The following CPXM2 variants were observed in gnomAD, a reference collection of about 807,000 sequenced individuals.
The protein encoded by CPXM2 is carboxypeptidase X, M14 family member 2, also known as inactive carboxypeptidase-like protein X2.
A neutral mutation model predicts 86.1 loss-of-function variants in CPXM2; 66 were observed. The ratio of observed to expected loss-of-function variants is 0.77; its 90% CI spans 0.63 to 0.94. CPXM2 has a LOEUF of 0.94. Among genes scored for constraint, CPXM2 ranks in the 40% least tolerant of loss-of-function variants. The probability of loss-of-function intolerance (pLI) is 0.00; values close to 1 mark genes in which losing one functional copy is unlikely to be tolerated. For synonymous variants in CPXM2, 388 were observed against 400.2 expected, an observed-to-expected ratio of 0.97 and a Z score of 0.36; for missense variants, 948 against 1,026.3, an observed-to-expected ratio of 0.92 and a Z score of 1.04.
chr10:123,943,432 G>T (rs183360844), upstream of CPXM2, among the ~76,000 whole-genome samples: 23 of 152,274 alleles, frequency 1.5e-4, no homozygotes, highest in Admixed American at 1.0e-3. Flanking sequence ...AATGCCTCAG[G>T]GGAGCCTCTG....
At chr10:123,876,717 T>C (rs73366788) in intron 2 of CPXM2, among the ~76,000 whole-genome samples, 4,666 of 152,282 alleles carry the variant, frequency 0.031, 211 homozygotes, top group African/African-American at 0.1. Flanking sequence ...TCTGATCCTT[T>C]AAAGAAGTTT....
intron 3 of CPXM2, among the ~76,000 whole-genome samples, chr10:123,853,399 G>T (rs761249395): frequency 6.6e-6 from 1 of 152,184 alleles, no homozygotes; most frequent in Non-Finnish European, 1.5e-5. Context: ...AAGGTGGCAA[G>T]AATCCTTGTT....
intron 4 of CPXM2, among the ~76,000 whole-genome samples, chr10:123,832,041 G>A (rs1590046740): frequency 6.6e-6 from 1 of 151,902 alleles, no homozygotes; most frequent in Non-Finnish European, 1.5e-5. Context: ...TGCCAACCAT[G>A]GGCCCCTTCC....
intron 7 of CPXM2, chr10:123,777,143 G>A (rs1274480993): frequency 6.6e-6 from 1 of 152,262 alleles, no homozygotes; most frequent in Non-Finnish European, 1.5e-5. Context: ...AAGTGGGTGG[G>A]TCAGCCATGG....
intron 4 of CPXM2, among the ~76,000 whole-genome samples, chr10:123,827,886 G>C (rs544191889): frequency 6.6e-6 from 1 of 152,248 alleles, no homozygotes; most frequent in South Asian, 2.1e-4. Context: ...AAATCAGGGT[G>C]GGCAAGGTGG....
At chr10:123,902,494 G>A (rs908079597) in intron 2 of CPXM2, among the ~76,000 whole-genome samples, 2 of 117,258 alleles carry the variant, frequency 1.7e-5, no homozygotes, top group Non-Finnish European at 3.5e-5. Context: ...TACTATAGAC[G>A]GGGGCCTATA....
At chr10:123,772,533 T>A (rs1387443001) in intron 7 of CPXM2, among the ~76,000 whole-genome samples, 2 of 152,050 alleles carry the variant, frequency 1.3e-5, no homozygotes, top group Non-Finnish European at 2.9e-5. Context: ...TCCCTGGTTG[T>A]GGTCATCACC....
chr10:123,926,233 G>A lies in CPXM2; in HGVS notation n.174+13244C>T, dbSNP rs139319477. On this transcript the variant is annotated intron_variant and non_coding_transcript_variant, in intron 2 of 19. Coordinates refer to the CPXM2 transcript ENST00000368854. ...AACAATAACCTAATCTTCCGATACC[G>A]GGTCTTACCATGGAAATGGTTTCCT... Among the ~76,000 whole-genome samples the A allele has an allele frequency of 1.2e-3, 184 of 152,306 alleles. 1 individual carries two copies. The highest frequency in any genetic ancestry group is 4.2e-3 in the African/African-American group (174 of 41,566).
intron 11 of CPXM2, 65 bp downstream of exon 11, chr10:123,761,807 C>G (rs556355936): frequency 1.3e-6 from 2 of 1,503,076 alleles, no homozygotes; most frequent in East Asian, 4.8e-5. Flanking sequence ...CCAGGAGGGC[C>G]AGGAGGAGAC....
rs765210642 is a variant in CPXM2, at chr10:123,766,953, T to C, written c.1479+20A>G. On this transcript the variant is annotated intron_variant, in intron 10 of 13. Transcript: ENST00000241305. ...GCCTTGCCTTTGGCTGCTTTACAGATGACGGGTATTTTGACTCACCGTGGC... is the reference window on the plus strand; with the variant it reads ...GCCTTGCCTTTGGCTGCTTTACAGACGACGGGTATTTTGACTCACCGTGGC... 2.0e-5 allele frequency: 32 copies of C among 1,600,978 alleles called. No individual in the cohort carries two copies. The highest frequency in any genetic ancestry group is 2.6e-5 in the Non-Finnish European group (30 of 1,168,230).
chr10:123,817,913 G>A lies in CPXM2; in HGVS notation c.654-18714C>T, dbSNP rs189787979. Among the ~76,000 whole-genome samples, 319 of 152,324 alleles carry A rather than the reference G, an allele frequency of 2.1e-3. 1 individual carries two copies. Among genetic ancestry groups the A allele is most frequent in the African/African-American group, 7.2e-3 (301 of 41,574 alleles). On this transcript the variant is annotated intron_variant, in intron 4 of 13. Transcript: ENST00000241305. ...TTCCCAGTGGGCAGAACTTTGAGCA[G>A]TGTACCTGGTTGTGCACTTTGCCTG... is the stretch of plus-strand genomic sequence containing the variant.
chr10:123,887,658 A>G (rs577380102), intron 1 of CPXM2, among the ~76,000 whole-genome samples: 14 of 152,156 alleles, frequency 9.2e-5, no homozygotes, highest in African/African-American at 3.4e-4. Context: ...ACATCCTGCA[A>G]TACACAGGAA....
intron 4 of CPXM2, among the ~76,000 whole-genome samples, chr10:123,803,320 C>T (rs1847503706): frequency 6.6e-6 from 1 of 151,710 alleles, no homozygotes; most frequent in Non-Finnish European, 1.5e-5. Flanking sequence ...CCATGTTGCC[C>T]AGGCTTGTCT....
At chr10:123,751,444 G>A in intron 13 of CPXM2, 1 of 928,436 alleles carries the variant, frequency 1.1e-6, no homozygotes, top group South Asian at 5.0e-5. Flanking sequence ...CTTCTAAGAA[G>A]GTTTGCGTCT....
Position 123,781,854 on chromosome 10 carries a change from C to T in CPXM2, c.890-1599G>A, listed in dbSNP as rs1006700619. ...TGCCATCAACTGAGCCAGCCCTGTG[C>T]CTGCATCCCCACAGCCACAGGTCAC... On this transcript the variant is annotated intron_variant, in intron 6 of 13. Transcript: ENST00000241305. Among the ~76,000 whole-genome samples the T allele has an allele frequency of 2.0e-5, 3 of 152,204 alleles. No homozygotes were observed. In the South Asian group the frequency reaches 6.2e-4, roughly 32 times the overall value.
At chr10:123,757,174 G>A in intron 12 of CPXM2, 39 bp downstream of exon 12, 1 of 1,597,326 alleles carries the variant, frequency 6.3e-7, no homozygotes. Context: ...TCATCCCCCA[G>A]CTAGTCCCCC....
intron 4 of CPXM2, among the ~76,000 whole-genome samples, chr10:123,809,951 ATAGAT>A (rs1474089632): frequency 6.6e-6 from 1 of 152,062 alleles, no homozygotes; most frequent in Non-Finnish European, 1.5e-5. Flanking sequence ...ACAAATATAA[ATAGAT>A]TAGTTAATAG....
At chr10:123,747,155 CA>C (rs1366105212) in intron 13 of CPXM2, 138 bp from the exon 14 acceptor site, 1 of 1,048,730 alleles carries the variant, frequency 9.5e-7, no homozygotes, top group Non-Finnish European at 1.4e-6. Context: ...CCTGCAGATG[CA>C]AATTCTTAAT....
chr10:123,749,483 G>T (rs934967652), intron 13 of CPXM2, among the ~76,000 whole-genome samples: 3 of 152,186 alleles, frequency 2.0e-5, no homozygotes, highest in Admixed American at 6.5e-5. Flanking sequence ...GCTGTCGCTG[G>T]CCTTCTCATA....
Sources: allele counts gnomAD v4.1 joint callset (sites outside exome capture counted in the v4.1 genomes callset), GRCh38; gene constraint gnomAD v4.1.1; transcripts MANE v1.5; gene names NCBI Gene and HGNC (gene_info 2026-07-23, HGNC 2026-07-21).